The following ARHGEF19 variants were observed in gnomAD, a reference collection of about 807,000 sequenced individuals.
ARHGEF19 encodes the protein Rho guanine nucleotide exchange factor (GEF) 19.
A neutral mutation model predicts 87.6 loss-of-function variants in ARHGEF19; 92 were observed. The observed-to-expected ratio is 1.05, with a 90% CI of 0.89 to 1.25. The LOEUF (loss-of-function observed/expected upper bound fraction) is 1.25. Ranked by LOEUF, ARHGEF19 falls within the 50% of genes most tolerant of loss-of-function variation. ARHGEF19 has a pLI of 0.00. For synonymous variants in ARHGEF19, 438 were observed against 446.2 expected, an observed-to-expected ratio of 0.98 and a Z score of 0.23; for missense variants, 1,054 against 1,051.8, an observed-to-expected ratio of 1.00 and a Z score of -0.03.
rs1375058338 is a variant in ARHGEF19 at position 16,207,731 on chromosome 1, G to C, written c.741C>G (p.Asp247Glu). ...MEARSVEMSG[D>E]RVSRPAPGDS... The stretch of plus-strand genomic sequence containing the variant: ...CACCAGGGGCTGGCCGCGACACCCG[G>C]TCCCCGCTCATCTCTACACTTCGAG... The change falls in exon 4 of 16, where the codon GAC becomes GAG. Residue 247 changes from aspartate to glutamate, a missense_variant. Asp to Glu is a conservative substitution (Grantham distance 45). Coordinates refer to ENST00000270747, the MANE Select transcript of ARHGEF19 (RefSeq NM_153213.5). This position sits in a 1 kb window ranked among gnomAD's most constrained non-coding sequence, Gnocchi z 4.0. The C allele has an allele frequency of 1.9e-6, 3 of 1,613,880 alleles. No homozygotes were observed. The South Asian group carries it at 3.3e-5, about 18-fold the overall frequency.
chr1:16,204,984 T>C (rs994578777), intron 11 of ARHGEF19, 65 bp from the exon 12 acceptor site: 3 of 1,565,288 alleles, frequency 1.9e-6, no homozygotes, highest in African/African-American at 1.4e-5. Flanking sequence ...AGATGGTAGA[T>C]GGGAGGGTGT....
At chr1:16,202,816 C>A (rs1362337192) in intron 12 of ARHGEF19, among the ~76,000 whole-genome samples, 1 of 152,200 alleles carries the variant, frequency 6.6e-6, no homozygotes, top group African/African-American at 2.4e-5. Context: ...GAGCCCCAAG[C>A]ACACTTTTGA....
intron 1 of ARHGEF19, 118 bp from the exon 2 acceptor site, chr1:16,209,201 C>T: frequency 3.2e-6 from 2 of 618,904 alleles, no homozygotes; most frequent in Non-Finnish European, 4.8e-6. Flanking sequence ...TCTCCACAAA[C>T]ACACTCACAT....
rs2081091770 is a variant in ARHGEF19, at chr1:16,202,458, C to A, written c.2024G>T (p.Gly675Val). Reference protein sequence around the residue: ...GHVFLLQLLHGQHMKHQFLLR... With the variant: ...GHVFLLQLLHVQHMKHQFLLR... ...CAGGAACTGGTGCTTCATGTGCTGC[C>A]CGTGGAGGAGCTGGAGGAGGAACAC... is the stretch of plus-strand genomic sequence containing the variant. The change falls in exon 13 of 16, where the codon GGG (glycine) becomes GTG (valine). Residue 675 changes from glycine to valine, a missense_variant. Gly to Val is a moderately radical substitution (Grantham distance 109, BLOSUM62 -3). Transcript: ENST00000270747. The A allele has an allele frequency of 1.9e-6, 3 of 1,614,022 alleles. No individual in the cohort carries two copies. The South Asian group carries it at 3.3e-5, about 18-fold the overall frequency.
chr1:16,207,246 C>A lies in ARHGEF19; in HGVS notation c.875-36G>T. ...GACGGGCGGGGGAGAGCGTGGGGCGCCCGCCAGCCCCTGCCCGGCTTTTCC... is the reference window on the plus strand; with the variant it reads ...GACGGGCGGGGGAGAGCGTGGGGCGACCGCCAGCCCCTGCCCGGCTTTTCC... On this transcript the variant is annotated intron_variant, in intron 5 of 15. Transcript: ENST00000270747. This position sits in a 1 kb window ranked among gnomAD's most constrained non-coding sequence, Gnocchi z 4.0. 1 of 1,471,190 alleles carries A rather than the reference C, an allele frequency of 6.8e-7. No individual in the cohort carries two copies. The highest frequency in any genetic ancestry group is 9.0e-7 in the Non-Finnish European group (1 of 1,116,482). The allele number at this position is 1,471,190 out of a possible 1,614,324, so 91.1% of individuals were successfully genotyped here.
Position 16,208,775 on chromosome 1 carries a change from T to TC in ARHGEF19, c.279dup (p.Met94AspfsTer54). 1 of 1,612,978 alleles carries TC rather than the reference T, an allele frequency of 6.2e-7. No individual in the cohort carries two copies. The highest frequency in any genetic ancestry group is 1.1e-5 in the South Asian group (1 of 91,008). On this transcript the variant is annotated frameshift_variant, in exon 2 of 16. Transcript: ENST00000270747. LOFTEE classifies it high-confidence loss of function. Reference sequence around the variant, plus strand: ...CAGCTGCCAGCCCTGCTGGGCCGCATCCCCCCGCTGGTGATCTCTGTATCT... The same window carrying TC: ...CAGCTGCCAGCCCTGCTGGGCCGCATCCCCCCCGCTGGTGATCTCTGTATCT...
intron 14 of ARHGEF19, 41 bp downstream of exon 14, chr1:16,201,741 G>A: frequency 6.3e-7 from 1 of 1,596,810 alleles, no homozygotes; most frequent in East Asian, 2.2e-5. Flanking sequence ...AGCGGGCGAG[G>A]GTCCAGCCCA....
rs1385659661 is a variant in ARHGEF19 at position 16,198,767 on chromosome 1, C to T, written c.2252-23G>A. 1 of 1,578,482 alleles carries T rather than the reference C, an allele frequency of 6.3e-7. No homozygotes were observed. The highest frequency in any genetic ancestry group is 1.4e-5 in the African/African-American group (1 of 73,864). ...AGCCTAGGGACACATAGGCCAAGAACAACAGCATCAAAGGGGTACCAGGGC... is the reference window on the plus strand; with the variant it reads ...AGCCTAGGGACACATAGGCCAAGAATAACAGCATCAAAGGGGTACCAGGGC... On this transcript the variant is annotated intron_variant, in intron 15 of 15. Coordinates refer to ENST00000270747, the MANE Select transcript of ARHGEF19 (RefSeq NM_153213.5). The surrounding 1 kb of genome is among the most constrained non-coding windows in gnomAD (Gnocchi z 4.1).
chr1:16,211,215 A>T (rs1333425091), intron 1 of ARHGEF19, among the ~76,000 whole-genome samples: 1 of 152,230 alleles, frequency 6.6e-6, no homozygotes, highest in Non-Finnish European at 1.5e-5. Context: ...GGGAAGATGA[A>T]GGAGTGAGGC....
Position 16,207,072 on chromosome 1 carries a change from C to G in ARHGEF19, c.1013G>C (p.Ser338Thr). ...PGPPRANLSP[S>T]SSFRAQRSAR... ...CGAGCGCTGCGCCCGGAAGGAGCTG[C>G]TGGGGGAGAGGTTGGCCCGCGGCGG... is the stretch of plus-strand genomic sequence containing the variant. Residue 338 changes from serine (S) to threonine (T), a missense_variant, in exon 6 of 16, where the codon AGC becomes ACC. Physicochemically the swap from Ser to Thr is moderately conservative, Grantham distance 58 (BLOSUM62 1). Coordinates refer to ENST00000270747, the MANE Select transcript of ARHGEF19 (RefSeq NM_153213.5). The surrounding 1 kb of genome is among the most constrained non-coding windows in gnomAD (Gnocchi z 4.0). 3 of 1,510,128 alleles carry G rather than the reference C, an allele frequency of 2.0e-6. No homozygotes were observed. The highest frequency in any genetic ancestry group is 2.7e-6 in the Non-Finnish European group (3 of 1,131,698). The allele number at this position is 1,510,128 out of a possible 1,614,324, so 93.5% of individuals were successfully genotyped here. A position where few individuals can be genotyped will look rare whatever the true frequency, so the allele number is the denominator to read the frequency against.
rs778270758 is a variant in ARHGEF19, at chr1:16,208,203, C to T, written c.435G>A (p.Gln145=). 1 of 1,613,082 alleles carries T rather than the reference C, an allele frequency of 6.2e-7. No individual in the cohort carries two copies. Among genetic ancestry groups the T allele is most frequent in the Non-Finnish European group, 8.5e-7 (1 of 1,179,570 alleles). The change falls in exon 3 of 16, where the codon CAG becomes CAA. Residue 145 remains glutamine (Q), a synonymous_variant. Coordinates refer to ENST00000270747, the MANE Select transcript of ARHGEF19 (RefSeq NM_153213.5). ...CGGGGCAGCCGGGGACCTCTTCACG[C>T]TGGTACACCCGCATCTTGCGCCCTA... ...KSAWRKMRVY[Q]REEVPGCPEA...
Position 16,207,387 on chromosome 1 carries a change from G to T in ARHGEF19, c.874+135C>A. 1 of 1,338,526 alleles carries T rather than the reference G, an allele frequency of 7.5e-7. No individual in the cohort carries two copies. The allele number at this position is 1,338,526 out of a possible 1,614,324, so 82.9% of individuals were successfully genotyped here. A position where few individuals can be genotyped will look rare whatever the true frequency, so the allele number is the denominator to read the frequency against. On this transcript the variant is annotated intron_variant, in intron 5 of 15. Coordinates refer to ENST00000270747, the MANE Select transcript of ARHGEF19 (RefSeq NM_153213.5). This position sits in a 1 kb window ranked among gnomAD's most constrained non-coding sequence, Gnocchi z 4.0. ...TAAACAAATTGAGCACCTACTGAGT[G>T]CTAGATACCGACAGTTCCATTCTCC... is the stretch of plus-strand genomic sequence containing the variant.
Position 16,207,217 on chromosome 1 carries a change from GA to G in ARHGEF19, c.875-8del, listed in dbSNP as rs1373509252. ...TATTCCTGATAGAGGACGGCTGGGG[GA>G]AAGACGGGCGGGGGAGAGCGTGGGG... On this transcript the variant is annotated splice_polypyrimidine_tract_variant and splice_region_variant and intron_variant, in intron 5 of 15. Transcript: ENST00000270747. This position sits in a 1 kb window ranked among gnomAD's most constrained non-coding sequence, Gnocchi z 4.0. The G allele has an allele frequency of 2.0e-6, 3 of 1,509,812 alleles. No individual in the cohort carries two copies. Among genetic ancestry groups the G allele is most frequent in the South Asian group, 1.3e-5 (1 of 78,816 alleles). 93.5% of individuals were successfully genotyped at this position (1,509,812 alleles called of 1,614,324 possible).
At chr1:16,212,447 C>T (rs754076211) in intron 1 of ARHGEF19, 55 bp downstream of exon 1, 10 of 152,772 alleles carry the variant, frequency 6.5e-5, no homozygotes, top group South Asian at 2.1e-4. Flanking sequence ...GCTCACTCAG[C>T]GGGGAAAACT....
Position 16,206,820 on chromosome 1 carries a change from G to A in ARHGEF19, c.1137+128C>T, listed in dbSNP as rs953159053. ...AGTCAGGTCCTAGAGCCAACCTTCC[G>A]CGCGGACAGTCGCGCCAGCAACCCC... On this transcript the variant is annotated intron_variant, in intron 6 of 15. Coordinates refer to ENST00000270747, the MANE Select transcript of ARHGEF19 (RefSeq NM_153213.5). The surrounding 1 kb of genome is among the most constrained non-coding windows in gnomAD (Gnocchi z 4.6). 5.8e-6 allele frequency: 7 copies of A among 1,217,286 alleles called. No individual in the cohort carries two copies. The highest frequency in any genetic ancestry group is 7.6e-5 in the Admixed American group (2 of 26,446). 75.4% of individuals were successfully genotyped at this position (1,217,286 alleles called of 1,614,324 possible). A position where few individuals can be genotyped will look rare whatever the true frequency, so the allele number is the denominator to read the frequency against.
Position 16,208,658 on chromosome 1 carries a change from C to T in ARHGEF19, c.397G>A (p.Glu133Lys), listed in dbSNP as rs770913116. The T allele has an allele frequency of 1.9e-6, 3 of 1,604,736 alleles. No homozygotes were observed. The highest frequency in any genetic ancestry group is 2.7e-5 in the African/African-American group (2 of 74,602). ...GGTGACTCACAGGCAGACTTCTTCT[C>T]CGAGCCGTGGCTGGCCCGGCGCTGT... ...QPQRRASHGSEKKSAWRKMRV... is the reference protein window; with the variant it reads ...QPQRRASHGSKKKSAWRKMRV... The change falls in exon 2 of 16, where the codon GAG becomes AAG. Residue 133 changes from glutamate to lysine, a missense_variant. Transcript: ENST00000270747.
chr1:16,207,663 G>A lies in ARHGEF19; in HGVS notation c.797+12C>T, dbSNP rs545386836. 28 of 1,613,938 alleles carry A rather than the reference G, an allele frequency of 1.7e-5. No individual in the cohort carries two copies. Among genetic ancestry groups the A allele is most frequent in the Non-Finnish European group, 2.3e-5 (27 of 1,180,012 alleles). On this transcript the variant is annotated intron_variant, in intron 4 of 15. Coordinates refer to ENST00000270747, the MANE Select transcript of ARHGEF19 (RefSeq NM_153213.5). The surrounding 1 kb of genome is among the most constrained non-coding windows in gnomAD (Gnocchi z 4.0). ...CCCTGTCTCGGACCCAAGCCCAAAC[G>A]GGAGGTGGTACCTGGGCTCGGACCA...
intron 14 of ARHGEF19, among the ~76,000 whole-genome samples, 173 bp from the exon 15 acceptor site, chr1:16,199,427 C>T (rs2081066888): frequency 6.6e-6 from 1 of 151,998 alleles, no homozygotes; most frequent in Non-Finnish European, 1.5e-5. Context: ...CAGGCATACC[C>T]TCTGCCCACC....
intron 1 of ARHGEF19, among the ~76,000 whole-genome samples, chr1:16,211,288 TTCTC>T (rs2081195021): frequency 1.2e-5 from 1 of 86,416 alleles, no homozygotes; most frequent in Non-Finnish European, 2.5e-5. Context: ...ACGGGTCTCT[TTCTC>T]TGCAGGAATC....
Sources: allele counts gnomAD v4.1 joint callset (sites outside exome capture counted in the v4.1 genomes callset), GRCh38; gene constraint gnomAD v4.1.1; non-coding constraint Gnocchi (gnomAD v3.1); transcripts MANE v1.5; gene names NCBI Gene and HGNC (gene_info 2026-07-23, HGNC 2026-07-21).